Variants in LRP1B observed in about 807,000 individuals in gnomAD.
LRP1B encodes low-density lipoprotein receptor-related protein 1B.
LRP1B carries 217 observed loss-of-function variants against 556.6 expected under a neutral mutation model. The observed-to-expected ratio is 0.39, with a 90% CI of 0.35 to 0.44. The LOEUF (loss-of-function observed/expected upper bound fraction) is 0.44, where lower values mean the gene tolerates loss of function less well. Among genes scored for constraint, LRP1B ranks in the 20% least tolerant of loss-of-function variants. The pLI, the probability that LRP1B is intolerant of heterozygous loss-of-function variation, is 1.00. For missense variants in LRP1B, 5,053 were observed against 5,620.8 expected (o/e 0.90, Z 3.23); for synonymous variants, 2,047 against 1,865.8 (o/e 1.10, Z -2.50).
At chr2:141,901,628 A>C (rs1047388920) in intron 1 of LRP1B, among the ~76,000 whole-genome samples, 2 of 151,894 alleles carry the variant, frequency 1.3e-5, no homozygotes, top group Non-Finnish European at 2.9e-5. Flanking sequence ...ATGAAGTCTC[A>C]ACACTTCAAG....
At position 140,683,217 on chromosome 2, in the gene LRP1B, G is replaced by A. The variant is rs139583932; in HGVS notation, c.6799+17033C>T. ...GAACAGCAGACTGGGGAGAACAATA[G>A]GAGGGTTATTGAACACTGGTCTGTG... On this transcript the variant is annotated intron_variant, in intron 41 of 90. Coordinates refer to ENST00000389484, the MANE Select transcript of LRP1B (RefSeq NM_018557.3). The A allele has an allele frequency of 8.0e-3, 1,820 of 227,458 alleles. 40 individuals carry two copies. Among genetic ancestry groups the A allele is most frequent in the Admixed American group, 0.041 (746 of 18,266 alleles). 14.1% of individuals were successfully genotyped at this position (227,458 alleles called of 1,614,324 possible). A position where few individuals can be genotyped will look rare whatever the true frequency, so the allele number is the denominator to read the frequency against.
At chr2:141,320,040 A>G (rs1467005150) in intron 3 of LRP1B, among the ~76,000 whole-genome samples, 1 of 152,112 alleles carries the variant, frequency 6.6e-6, no homozygotes, top group African/African-American at 2.4e-5. Flanking sequence ...ATGGAGCCTG[A>G]AATACTACAT....
chr2:141,585,812 GTCATAGC>G (rs1179964642), intron 2 of LRP1B, among the ~76,000 whole-genome samples: 1 of 151,704 alleles, frequency 6.6e-6, no homozygotes, highest in African/African-American at 2.4e-5. Flanking sequence ...GCCTTACTCT[GTCATAGC>G]TCACTGCAGC....
chr2:140,603,201 A>G (rs1274353237), intron 41 of LRP1B, among the ~76,000 whole-genome samples: 1 of 152,062 alleles, frequency 6.6e-6, no homozygotes, highest in African/African-American at 2.4e-5. Context: ...GGTATTAATG[A>G]GGGTGATTAG....
intron 22 of LRP1B, among the ~76,000 whole-genome samples, chr2:140,903,763 T>C (rs1694169810): frequency 6.6e-6 from 1 of 151,514 alleles, no homozygotes; most frequent in South Asian, 2.1e-4. Flanking sequence ...ATATTGGTTA[T>C]TATGATTCAT....
intron 2 of LRP1B, among the ~76,000 whole-genome samples, chr2:141,798,939 G>A (rs145991802): frequency 1.8e-4 from 28 of 151,762 alleles, no homozygotes; most frequent in African/African-American, 6.3e-4. Context: ...ATGAGACTAG[G>A]ACACAGATAC....
rs1701826595 is a variant in LRP1B at position 141,147,918 on chromosome 2, T to C, written c.1013+40503A>G. Reference sequence around the variant, plus strand: ...TGCTTCTCGTTGTGTTATAACTGTCTACAGCATTCAATACAGTAACATGCT... The same window carrying C: ...TGCTTCTCGTTGTGTTATAACTGTCCACAGCATTCAATACAGTAACATGCT... On this transcript the variant is annotated intron_variant, in intron 7 of 90. Transcript: ENST00000389484. Among the ~76,000 whole-genome samples the C allele has an allele frequency of 2.0e-5, 3 of 152,204 alleles. No homozygotes were observed. In the South Asian group the frequency reaches 6.2e-4, roughly 32 times the overall value.
intron 2 of LRP1B, among the ~76,000 whole-genome samples, chr2:141,594,302 C>T (rs1479641445): frequency 6.6e-6 from 1 of 152,012 alleles, no homozygotes; most frequent in Non-Finnish European, 1.5e-5. Flanking sequence ...CCTAGCTAAG[C>T]TAAGGTGCAG....
intron 6 of LRP1B, among the ~76,000 whole-genome samples, chr2:141,225,604 C>A (rs1683216836): frequency 6.6e-6 from 1 of 152,078 alleles, no homozygotes; most frequent in Non-Finnish European, 1.5e-5. Context: ...ACACCTAACT[C>A]CAAAATTATC....
intron 35 of LRP1B, among the ~76,000 whole-genome samples, chr2:140,748,404 T>A (rs1436808215): frequency 3.8e-4 from 10 of 26,602 alleles, no homozygotes; most frequent in South Asian, 1.7e-3. Context: ...ATTCATATAT[T>A]ATATTCATAT....
rs575292379 is a variant in LRP1B, at chr2:140,359,494, T to C, written c.11132-548A>G. Reference sequence around the variant, plus strand: ...TTCATCTTTAAAGTACATGTTTTTGTGTGTATTTAAAAAGACCACAATGAA... The same window carrying C: ...TTCATCTTTAAAGTACATGTTTTTGCGTGTATTTAAAAAGACCACAATGAA... On this transcript the variant is annotated intron_variant, in intron 72 of 90. Transcript: ENST00000389484. 3.3e-5 allele frequency among the ~76,000 whole-genome samples: 5 copies of C among 151,818 alleles called. No individual in the cohort carries two copies. The South Asian group carries it at 1.0e-3, about 31-fold the overall frequency.
chr2:141,280,307 A>G (rs1685464378), intron 3 of LRP1B, among the ~76,000 whole-genome samples: 1 of 152,070 alleles, frequency 6.6e-6, no homozygotes, highest in Non-Finnish European at 1.5e-5. Flanking sequence ...ATGTACACAC[A>G]TAAGACACAA....
At chr2:140,862,169 C>G (rs1692818090) in intron 27 of LRP1B, among the ~76,000 whole-genome samples, 1 of 152,044 alleles carries the variant, frequency 6.6e-6, no homozygotes, top group Non-Finnish European at 1.5e-5. Flanking sequence ...CAGCACATTT[C>G]AAAGTTTAAT....
intron 6 of LRP1B, among the ~76,000 whole-genome samples, chr2:141,218,412 A>G (rs1002022594): frequency 1.3e-5 from 2 of 152,190 alleles, no homozygotes; most frequent in African/African-American, 4.8e-5. Flanking sequence ...GGATTGGATA[A>G]AGAAAATATG....
chr2:141,850,557 ATGTG>A (rs910196906), intron 1 of LRP1B, among the ~76,000 whole-genome samples: 6 of 149,350 alleles, frequency 4.0e-5, no homozygotes, highest in Non-Finnish European at 8.9e-5. Context: ...ATATATATAT[ATGTG>A]TGTGTGTGTA....
intron 1 of LRP1B, among the ~76,000 whole-genome samples, chr2:141,950,900 A>C (rs1383504177): frequency 5.9e-5 from 9 of 152,168 alleles, no homozygotes; most frequent in Non-Finnish European, 2.9e-5. Flanking sequence ...CAAAGAAATC[A>C]GTTGGTATCC....
chr2:140,980,793 C>T (rs1009793824), intron 18 of LRP1B, among the ~76,000 whole-genome samples: 4 of 152,190 alleles, frequency 2.6e-5, no homozygotes, highest in Non-Finnish European at 5.9e-5. Flanking sequence ...CATGCACACA[C>T]ATGTTTAGAG....
At chr2:141,679,250 C>T (rs1197450838) in intron 2 of LRP1B, among the ~76,000 whole-genome samples, 1 of 152,108 alleles carries the variant, frequency 6.6e-6, no homozygotes, top group African/African-American at 2.4e-5. Context: ...CAGCTAACAC[C>T]TTAATTGCAG....
chr2:140,510,043 A>G lies in LRP1B; in HGVS notation c.8283T>C (p.Cys2761=), dbSNP rs2104917653. 2 of 1,613,818 alleles carry G rather than the reference A, an allele frequency of 1.2e-6. No homozygotes were observed. The highest frequency in any genetic ancestry group is 1.7e-4 in the Middle Eastern group (1 of 5,838). Residue 2761 remains cysteine, a synonymous_variant, in exon 52 of 91, where the codon TGT becomes TGC. Transcript: ENST00000389484. The part of the protein sequence containing the change: ...ESDSICGAIT[C]AADMFSCQGS... ...CCTGGCAGCTGAACATGTCAGCAGC[A>G]CAGGTTATGGCACCTGAAACACAAA...
Sources: allele counts gnomAD v4.1 joint callset (sites outside exome capture counted in the v4.1 genomes callset), GRCh38; gene constraint gnomAD v4.1.1; transcripts MANE v1.5; gene names NCBI Gene and HGNC (gene_info 2026-07-23, HGNC 2026-07-21).